SCLY: variants seen among roughly 807,000 people sequenced by gnomAD.
SCLY encodes the protein putative selenocysteine lyase.
SCLY carries 38 observed loss-of-function variants against 50.1 expected under a neutral mutation model. The observed-to-expected ratio is 0.76, with a 90% CI of 0.59 to 0.99. SCLY has a LOEUF of 0.99. SCLY is among the 50% of genes least tolerant of loss of function. The pLI, the probability that SCLY is intolerant of heterozygous loss-of-function variation, is 0.00. For missense variants in SCLY, 600 were observed against 620.0 expected (o/e 0.97, Z 0.34); for synonymous variants, 243 against 249.4 (o/e 0.97, Z 0.24).
At chr2:238,093,539 A>G (rs918260366) in intron 8 of SCLY, 6 of 356,286 alleles carry the variant, frequency 1.7e-5, no homozygotes, top group East Asian at 5.3e-5. Flanking sequence ...CACAGCGCCA[A>G]CTGGTGGGTA....
At chr2:238,084,893 CA>C (rs377025100) in intron 7 of SCLY, among the ~76,000 whole-genome samples, 3,114 of 107,464 alleles carry the variant, frequency 0.029, 120 homozygotes, top group African/African-American at 0.11. Flanking sequence ...GACTCCATCT[CA>C]AAAAAAAAAA....
At chr2:238,062,718 G>A (rs1047129806) in intron 1 of SCLY, among the ~76,000 whole-genome samples, 1 of 152,238 alleles carries the variant, frequency 6.6e-6, no homozygotes. Context: ...AGCCTGTTGA[G>A]TGATTTTGAA....
intron 11 of SCLY, 59 bp from the exon 12 acceptor site, chr2:238,098,143 G>C (rs139920187): frequency 3.0e-5 from 47 of 1,576,606 alleles, no homozygotes; most frequent in Admixed American, 1.0e-4. Flanking sequence ...GAGCAGGGGG[G>C]GCTGTGTCTC....
At position 238,061,070 on chromosome 2, in the gene SCLY, G is replaced by A. The variant is rs147010013; in HGVS notation, c.16G>A (p.Ala6Thr). The A allele has an allele frequency of 6.9e-3, 9,603 of 1,391,156 alleles. 47 individuals carry two copies. Among genetic ancestry groups the A allele is most frequent in the Admixed American group, 9.1e-3 (250 of 27,528 alleles). 86.2% of individuals were successfully genotyped at this position (1,391,156 alleles called of 1,614,324 possible). ...TGGGGCGGGGATGGAGGCGGCCGTG[G>A]CGCCGGGGAGGGATGCGCCGGCACC... Reference protein sequence around the residue: MEAAVAPGRDAPAPAA... With the variant: MEAAVTPGRDAPAPAA... Residue 6 changes from alanine (A) to threonine (T), a missense_variant, in exon 1 of 12, where the codon GCG (alanine) becomes ACG (threonine). Physicochemically the swap from Ala to Thr is moderately conservative, Grantham distance 58. Transcript: ENST00000254663.
chr2:238,096,844 G>C lies in SCLY; in HGVS notation c.1152G>C (p.Val384=). 6.2e-7 allele frequency: 1 copy of C among 1,612,464 alleles called. No individual in the cohort carries two copies. Among genetic ancestry groups the C allele is most frequent in the South Asian group, 1.1e-5 (1 of 90,784 alleles). The change falls in exon 11 of 12, where the codon GTG becomes GTC. Residue 384 remains valine, a synonymous_variant. Transcript: ENST00000254663. The part of the protein sequence containing the change: ...LAQCRVLMAS[V]GAACHSDHGD... ...AGTGCCGAGTGCTGATGGCCAGTGT[G>C]GGGGCCGCGTGCCACTCGGACCACG... is the stretch of plus-strand genomic sequence containing the variant.
At chr2:238,093,751 G>A in intron 8 of SCLY, 110 bp from the exon 9 acceptor site, 2 of 1,010,786 alleles carry the variant, frequency 2.0e-6, no homozygotes, top group Non-Finnish European at 3.0e-6. Context: ...GTCTGTGACT[G>A]TCAGGAGAAT....
At chr2:238,091,547 CA>C in intron 8 of SCLY, 30 of 412,286 alleles carry the variant, frequency 7.3e-5, no homozygotes, top group South Asian at 2.0e-4. Flanking sequence ...GCTGCAGGTT[CA>C]CCATTCCCAA....
chr2:238,065,519 C>G (rs2065059555), intron 2 of SCLY, among the ~76,000 whole-genome samples: 1 of 151,986 alleles, frequency 6.6e-6, no homozygotes, highest in South Asian at 2.1e-4. Context: ...TTTGTTTCCA[C>G]AAATTAAGAA....
rs1559254591 is a variant in SCLY, at chr2:238,098,609, C to CCGCCCACATGGGAACGCCCACATAGAA, written c.*267_*268insACGCCCACATAGAACGCCCACATGGGA. ...CCCACATAGGACCGCCCACATAGGA[C>CCGCCCACATGGGAACGCCCACATAGAA]CGCCCACATGGGACCGCCCACATGG... On this transcript the variant is annotated 3_prime_UTR_variant, in exon 12 of 12. Transcript: ENST00000254663. The CCGCCCACATGGGAACGCCCACATAGAA allele has an allele frequency of 2.9e-6, 1 of 349,718 alleles. No homozygotes were observed. The highest frequency in any genetic ancestry group is 3.6e-5 in the African/African-American group (1 of 27,512). The allele number at this position is 349,718 out of a possible 1,614,324, so 21.7% of individuals were successfully genotyped here.
chr2:238,098,548 A>G lies in SCLY; in HGVS notation c.*193A>G. ...CCCTGCAGAGCTCACAGGGCCCAGG[A>G]CACCAACGCCGCATAGGACTGCCCA... On this transcript the variant is annotated 3_prime_UTR_variant, in exon 12 of 12. Coordinates refer to ENST00000254663, the MANE Select transcript of SCLY (RefSeq NM_016510.7). 1 of 500,406 alleles carries G rather than the reference A, an allele frequency of 2.0e-6. No homozygotes were observed. Among genetic ancestry groups the G allele is most frequent in the Non-Finnish European group, 3.0e-6 (1 of 334,574 alleles). 31.0% of individuals were successfully genotyped at this position (500,406 alleles called of 1,614,324 possible).
intron 4 of SCLY, among the ~76,000 whole-genome samples, chr2:238,077,953 C>CCT (rs2065190297): frequency 7.2e-6 from 1 of 138,316 alleles, no homozygotes; most frequent in Non-Finnish European, 1.5e-5. Flanking sequence ...TGTAGATTCT[C>CCT]TTTTTTTTTT....
rs1055057601 is a variant in SCLY, at chr2:238,083,172, C to T, written c.778-76C>T. The T allele has an allele frequency of 2.9e-6, 3 of 1,019,058 alleles. No homozygotes were observed. The highest frequency in any genetic ancestry group is 3.1e-6 in the Non-Finnish European group (2 of 638,396). The allele number at this position is 1,019,058 out of a possible 1,614,324, so 63.1% of individuals were successfully genotyped here. A position where few individuals can be genotyped will look rare whatever the true frequency, so the allele number is the denominator to read the frequency against. ...TTGCAGAGCATTTCTCCTGTGTGCC[C>T]CTAAGCACTTAGCATGTATACAGAG... On this transcript the variant is annotated intron_variant, in intron 6 of 11. Coordinates refer to ENST00000254663, the MANE Select transcript of SCLY (RefSeq NM_016510.7). This position sits in a 1 kb window ranked among gnomAD's most constrained non-coding sequence, Gnocchi z 4.3.
At chr2:238,091,546 TCACCATTCCCAAAG>T in intron 8 of SCLY, 1 of 409,972 alleles carries the variant, frequency 2.4e-6, no homozygotes. Flanking sequence ...AGCTGCAGGT[TCACCATTCCCAAAG>T]GCGTCGGCAG....
At position 238,063,256 on chromosome 2, in the gene SCLY, GTT is replaced by G. The variant is rs56051146; in HGVS notation, c.90-1088_90-1087del. Among the ~76,000 whole-genome samples, 26 of 141,786 alleles carry G rather than the reference GTT, an allele frequency of 1.8e-4. No homozygotes were observed. The East Asian group carries it at 2.2e-3, about 12-fold the overall frequency. 93.0% of individuals were successfully genotyped at this position (141,786 alleles called of 152,430 possible). On this transcript the variant is annotated intron_variant, in intron 1 of 11. Transcript: ENST00000254663. The stretch of plus-strand genomic sequence containing the variant: ...TTGTGGGTTTGTTTTTTTTGTTGTT[GTT>G]TTTTTTTTTTTTGAGACGGACTCTC...
rs2065078230 is a variant in SCLY at position 238,067,116 on chromosome 2, G to A, written c.203-949G>A. Among the ~76,000 whole-genome samples the A allele has an allele frequency of 6.6e-6, 1 of 152,118 alleles. No homozygotes were observed. The highest frequency in any genetic ancestry group is 6.5e-5 in the Admixed American group (1 of 15,274). ...CAGCCAAACCATTATCACTGAGAGA[G>A]GGAAGGCTGAGAGTGAGGGTGACAG... On this transcript the variant is annotated intron_variant, in intron 2 of 11. Transcript: ENST00000254663. The surrounding 1 kb of genome is among the most constrained non-coding windows in gnomAD (Gnocchi z 4.3).
In SCLY at chr2:238,068,122, G is replaced by C. The variant is rs747462994; in HGVS notation, c.260G>C (p.Gly87Ala). The C allele has an allele frequency of 1.2e-5, 19 of 1,611,594 alleles. No individual in the cohort carries two copies. In the Admixed American group the frequency reaches 1.8e-4, roughly 16 times the overall value. Residue 87 changes from glycine (G) to alanine (A), a missense_variant, in exon 3 of 12, where the codon GGG (glycine) becomes GCG (alanine). Transcript: ENST00000254663. ...CGGGAAAGCCTCGCGAAGATGATAG[G>C]GGGGAAACCTCAAGATATAATCTTC... Reference protein sequence around the residue: ...AARESLAKMIGGKPQDIIFTS... With the variant: ...AARESLAKMIAGKPQDIIFTS...
intron 1 of SCLY, chr2:238,061,391 G>A: frequency 1.5e-6 from 1 of 665,366 alleles, no homozygotes; most frequent in Non-Finnish European, 2.8e-6. Context: ...CAGGGGTGAG[G>A]TTTGCAGGTT....
rs200961917 is a variant in SCLY at position 238,066,383 on chromosome 2, AGGGCCTTG to A, written c.203-1678_203-1671del. 4.3e-3 allele frequency among the ~76,000 whole-genome samples: 660 copies of A among 152,314 alleles called. 4 individuals carry two copies. Among genetic ancestry groups the A allele is most frequent in the African/African-American group, 0.015 (613 of 41,564 alleles). ...GTTTTGACTTTGTGGACCTCCTGAGAGGGCCTTGGGGTTTTGGAAACCGCTGACGTAAG... is the reference window on the plus strand; with the variant it reads ...GTTTTGACTTTGTGGACCTCCTGAGAGGGTTTTGGAAACCGCTGACGTAAG... On this transcript the variant is annotated intron_variant, in intron 2 of 11. Coordinates refer to ENST00000254663, the MANE Select transcript of SCLY (RefSeq NM_016510.7). The surrounding 1 kb of genome is among the most constrained non-coding windows in gnomAD (Gnocchi z 4.1).
intron 7 of SCLY, among the ~76,000 whole-genome samples, chr2:238,087,956 G>A (rs1002820131): frequency 6.6e-6 from 1 of 152,104 alleles, no homozygotes; most frequent in Non-Finnish European, 1.5e-5. Context: ...ACTGGGCATG[G>A]TGGTACATGC....
Sources: allele counts gnomAD v4.1 joint callset (sites outside exome capture counted in the v4.1 genomes callset), GRCh38; gene constraint gnomAD v4.1.1; non-coding constraint Gnocchi (gnomAD v3.1); transcripts MANE v1.5; gene names NCBI Gene and HGNC (gene_info 2026-07-23, HGNC 2026-07-21).